TCF3: variants seen among roughly 807,000 people sequenced by gnomAD.
TCF3 encodes the protein transcription factor 3, also known as transcription factor E2-alpha.
In TCF3, 54 loss-of-function variants were observed where a neutral mutation model predicts 72.3. The observed-to-expected ratio is 0.75, with a 90% CI of 0.60 to 0.94. TCF3 has a LOEUF of 0.94. TCF3 is among the 40% of genes least tolerant of loss of function. The pLI is 0.00. For missense variants in TCF3, 1,078 were observed against 934.4 expected, an observed-to-expected ratio of 1.15 and a Z score of -2.00; for synonymous variants, 525 against 412.6, an observed-to-expected ratio of 1.27 and a Z score of -3.30.
intron 3 of TCF3, among the ~76,000 whole-genome samples, chr19:1,638,338 C>A (rs1484171455): frequency 6.6e-6 from 1 of 152,220 alleles, no homozygotes; most frequent in Non-Finnish European, 1.5e-5. Context: ...TGCAAATACA[C>A]AATTATGAAC....
chr19:1,616,558 T>G (rs1322910600), intron 16 of TCF3: 1 of 152,172 alleles, frequency 6.6e-6, no homozygotes, highest in East Asian at 1.9e-4. Context: ...ATCTTTATCA[T>G]TCTCATTTTA....
chr19:1,623,542 C>G (rs1383753312), intron 8 of TCF3, among the ~76,000 whole-genome samples: 1 of 152,120 alleles, frequency 6.6e-6, no homozygotes, highest in East Asian at 1.9e-4. Context: ...CACCACCACG[C>G]CCGGCTGATT....
rs1256664161 is a variant in TCF3, at chr19:1,652,566, C to T, written c.-306G>A. ...GCCGCGTCGGCTCCGGCCCGCTACG[C>T]CCGCAGCCGCCGCCGCTGCCTCATC... is the stretch of plus-strand genomic sequence containing the variant. On this transcript the variant is annotated 5_prime_UTR_variant, in exon 1 of 19. Transcript: ENST00000262965. 1.4e-4 allele frequency: 20 copies of T among 146,676 alleles called. No homozygotes were observed. Among genetic ancestry groups the T allele is most frequent in the South Asian group, 3.9e-4 (2 of 5,068 alleles). The allele number at this position is 146,676 out of a possible 1,614,324, so 9.1% of individuals were successfully genotyped here. A position where few individuals can be genotyped will look rare whatever the true frequency, so the allele number is the denominator to read the frequency against.
At chr19:1,643,115 C>T (rs1031126619) in intron 3 of TCF3, among the ~76,000 whole-genome samples, 7 of 152,122 alleles carry the variant, frequency 4.6e-5, no homozygotes, top group Non-Finnish European at 8.8e-5. Flanking sequence ...AAATGGGAGG[C>T]GGTGGGTGGG....
chr19:1,615,219 AACGAGGGCAGGAAC>A lies in TCF3; in HGVS notation c.1822+52_1822+65del. On this transcript the variant is annotated intron_variant, in intron 18 of 18. Coordinates refer to ENST00000262965, the MANE Select transcript of TCF3 (RefSeq NM_003200.5). The surrounding 1 kb of genome is among the most constrained non-coding windows in gnomAD (Gnocchi z 7.3). ...TCCAGGAAGGCGGGCGGGGAAGGAG[AACGAGGGCAGGAAC>A]ACGAGGGAGGGTGGCGCTGCAGGGA... is the stretch of plus-strand genomic sequence containing the variant. 6.6e-7 allele frequency: 1 copy of A among 1,508,686 alleles called. No homozygotes were observed. The allele number at this position is 1,508,686 out of a possible 1,614,324, so 93.5% of individuals were successfully genotyped here. A position where few individuals can be genotyped will look rare whatever the true frequency, so the allele number is the denominator to read the frequency against.
intron 16 of TCF3, among the ~76,000 whole-genome samples, chr19:1,618,555 G>C (rs2061800540): frequency 6.8e-6 from 1 of 146,108 alleles, no homozygotes; most frequent in Admixed American, 7.0e-5. Flanking sequence ...CAACCCCACG[G>C]GTCTCCTGGC....
At chr19:1,644,392 G>A (rs1021646516) in intron 3 of TCF3, among the ~76,000 whole-genome samples, 38 of 144,534 alleles carry the variant, frequency 2.6e-4, no homozygotes, top group South Asian at 1.1e-3. Flanking sequence ...TGGACTGAAC[G>A]GGGAGGGGGT....
chr19:1,643,396 T>C (rs2065619491), intron 3 of TCF3, among the ~76,000 whole-genome samples: 1 of 152,064 alleles, frequency 6.6e-6, no homozygotes, highest in Admixed American at 6.5e-5. Flanking sequence ...AATTTTTGTA[T>C]TTTTAGTAGA....
intron 5 of TCF3, among the ~76,000 whole-genome samples, chr19:1,630,178 G>A (rs961975135): frequency 2.3e-4 from 35 of 152,186 alleles, no homozygotes; most frequent in African/African-American, 7.7e-4. Flanking sequence ...GGCCATCGGG[G>A]GTATGAGGAA....
At chr19:1,622,731 C>A (rs552670576) in intron 8 of TCF3, among the ~76,000 whole-genome samples, 5 of 152,150 alleles carry the variant, frequency 3.3e-5, no homozygotes, top group Non-Finnish European at 7.3e-5. Flanking sequence ...AAACTCCTAT[C>A]GACCCATCAA....
intron 13 of TCF3, among the ~76,000 whole-genome samples, chr19:1,620,343 C>G (rs917477826): frequency 2.0e-5 from 3 of 152,158 alleles, no homozygotes; most frequent in Non-Finnish European, 4.4e-5. Context: ...CACTCCCCCT[C>G]CTCCTGTACC....
intron 13 of TCF3, 70 bp from the exon 14 acceptor site, chr19:1,619,923 A>T: frequency 2.3e-6 from 3 of 1,331,752 alleles, no homozygotes; most frequent in Non-Finnish European, 2.1e-6. Flanking sequence ...GCCCATGGGG[A>T]GGGATTCATG....
At chr19:1,612,683 TGTTGGTGTGG>T (rs2061138917) in intron 18 of TCF3, among the ~76,000 whole-genome samples, 1 of 146,730 alleles carries the variant, frequency 6.8e-6, no homozygotes, top group East Asian at 2.0e-4. Context: ...ACACGGCTGG[TGTTGGTGTGG>T]GCAGCAGTGC....
At chr19:1,649,536 A>C (rs1290647117) in intron 2 of TCF3, among the ~76,000 whole-genome samples, 1 of 152,082 alleles carries the variant, frequency 6.6e-6, no homozygotes, top group East Asian at 1.9e-4. Context: ...TCAGCCTCCC[A>C]AGTAGCTGGG....
In TCF3 at chr19:1,646,401, C is replaced by T; in HGVS notation, c.99G>A (p.Gly33=). Residue 33 remains glycine (G), a synonymous_variant, in exon 3 of 19, where the codon GGG becomes GGA. Coordinates refer to ENST00000262965, the MANE Select transcript of TCF3 (RefSeq NM_003200.5). ...CGGCCAGGGAGGCGGGCCGGCCCTT[C>T]CCGTTGGTGACAGGCAGCGGGAACA... The part of the protein sequence containing the change: ...SMMFPLPVTN[G]KGRPASLAGA... 6.5e-7 allele frequency: 1 copy of T among 1,550,318 alleles called. No homozygotes were observed. The highest frequency in any genetic ancestry group is 1.2e-5 in the South Asian group (1 of 84,046).
At chr19:1,649,632 G>T (rs1201114490) in intron 2 of TCF3, among the ~76,000 whole-genome samples, 1 of 151,854 alleles carries the variant, frequency 6.6e-6, no homozygotes, top group South Asian at 2.1e-4. Flanking sequence ...ATGTTTCCTG[G>T]GCTGGACTTG....
intron 1 of TCF3, among the ~76,000 whole-genome samples, chr19:1,651,976 G>A (rs1392286282): frequency 7.9e-5 from 12 of 151,042 alleles, no homozygotes; most frequent in East Asian, 3.9e-4. Flanking sequence ...GGGCTGGGGG[G>A]GACGGTCCTC....
At chr19:1,634,762 T>C (rs1275623749) in intron 3 of TCF3, among the ~76,000 whole-genome samples, 2 of 152,230 alleles carry the variant, frequency 1.3e-5, no homozygotes, top group East Asian at 3.8e-4. Flanking sequence ...AGCAGGGATC[T>C]GCAAACAGTA....
At chr19:1,646,804 C>T (rs2066176612) in intron 2 of TCF3, among the ~76,000 whole-genome samples, 1 of 152,206 alleles carries the variant, frequency 6.6e-6, no homozygotes, top group Non-Finnish European at 1.5e-5. Flanking sequence ...ACAAAGTTGT[C>T]TTTACGTTTC....
Sources: allele counts gnomAD v4.1 joint callset (sites outside exome capture counted in the v4.1 genomes callset), GRCh38; gene constraint gnomAD v4.1.1; non-coding constraint Gnocchi (gnomAD v3.1); transcripts MANE v1.5; gene names NCBI Gene and HGNC (gene_info 2026-07-23, HGNC 2026-07-21).